Variants in PTK2B observed in about 807,000 individuals in gnomAD.
PTK2B encodes protein tyrosine kinase 2 beta, also known as protein-tyrosine kinase 2-beta.
In PTK2B, 71 loss-of-function variants were observed where a neutral mutation model predicts 142.9. The observed-to-expected ratio is 0.50, with a 90% CI of 0.41 to 0.61. The LOEUF is 0.61. Ranked by LOEUF, PTK2B falls within the 20% of genes least tolerant of loss-of-function variation. The pLI is 0.00. For synonymous variants in PTK2B, 519 were observed against 503.4 expected (o/e 1.03, Z -0.42); for missense variants, 1,105 against 1,320.4 (o/e 0.84, Z 2.53).
At chr8:27,419,730 G>A (rs1809625391) in intron 2 of PTK2B, among the ~76,000 whole-genome samples, 165 bp from the exon 3 acceptor site, 1 of 152,176 alleles carries the variant, frequency 6.6e-6, no homozygotes, top group East Asian at 1.9e-4. Context: ...ATCAGATAGA[G>A]CCCATTGTGT....
At chr8:27,450,383 G>T (rs1811724845) in intron 24 of PTK2B, among the ~76,000 whole-genome samples, 1 of 152,170 alleles carries the variant, frequency 6.6e-6, no homozygotes, top group Non-Finnish European at 1.5e-5. Flanking sequence ...GATTTTAATA[G>T]ACTTTAATAG....
chr8:27,312,217 A>G (rs911947692), intron 1 of PTK2B: 3 of 152,144 alleles, frequency 2.0e-5, no homozygotes, highest in Non-Finnish European at 2.9e-5. Context: ...TTCCTTTTCT[A>G]TTGGGAGACA....
At chr8:27,430,838 G>A in intron 7 of PTK2B, 38 bp from the exon 8 acceptor site, 1 of 1,604,616 alleles carries the variant, frequency 6.2e-7, no homozygotes. Flanking sequence ...GACCTGGGAG[G>A]AGCAGGCATT....
At chr8:27,388,934 C>G (rs569446948) in intron 1 of PTK2B, among the ~76,000 whole-genome samples, 1 of 152,278 alleles carries the variant, frequency 6.6e-6, no homozygotes, top group Admixed American at 6.5e-5. Flanking sequence ...CTTCTGGTCT[C>G]ATTTCCCAAT....
chr8:27,340,481 G>A (rs757146633), intron 1 of PTK2B, among the ~76,000 whole-genome samples: 1 of 152,254 alleles, frequency 6.6e-6, no homozygotes, highest in African/African-American at 2.4e-5. Flanking sequence ...GAGCACGGTG[G>A]AGATAAGGCG....
rs763562443 is a variant in PTK2B, at chr8:27,420,065, C to T, written c.375C>T (p.Ala125=). The change falls in exon 3 of 31, where the codon GCC becomes GCT. Residue 125 remains alanine (A), a synonymous_variant. Coordinates refer to ENST00000346049, the MANE Select transcript of PTK2B (RefSeq NM_173176.3). ...AGTATGAGTGTCTGCACGTGGAAGC[C>T]GAGTGGAGGTAGGAGTGGATTCCTG... ...QDKYECLHVE[A]EWRYDLQIRY... 13 of 1,613,864 alleles carry T rather than the reference C, an allele frequency of 8.1e-6. No individual in the cohort carries two copies. The highest frequency in any genetic ancestry group is 1.1e-5 in the South Asian group (1 of 91,054).
intron 1 of PTK2B, among the ~76,000 whole-genome samples, chr8:27,369,933 C>T (rs529674033): frequency 6.0e-5 from 9 of 150,408 alleles, no homozygotes; most frequent in African/African-American, 2.2e-4. Flanking sequence ...GCTGAGATCA[C>T]ACCACTGCAC....
chr8:27,314,542 A>G lies in PTK2B; in HGVS notation c.-414+1255A>G, dbSNP rs76672125. 5.9e-5 allele frequency among the ~76,000 whole-genome samples: 9 copies of G among 152,354 alleles called. No homozygotes were observed. The East Asian group carries it at 1.7e-3, about 29-fold the overall frequency. ...AGCTGCGACAGCAAATATCCTCCCC[A>G]TAGGGCGTAGGCCAAGTAAATAACT... is the stretch of plus-strand genomic sequence containing the variant. On this transcript the variant is annotated intron_variant, in intron 3 of 35. Transcript: ENST00000397501.
intron 2 of PTK2B, among the ~76,000 whole-genome samples, chr8:27,410,359 G>C (rs374815463): frequency 6.6e-6 from 1 of 152,064 alleles, no homozygotes; most frequent in African/African-American, 2.4e-5. Flanking sequence ...GAGCCTTAGA[G>C]CCAGAAGAGC....
intron 2 of PTK2B, among the ~76,000 whole-genome samples, chr8:27,417,118 CA>C (rs1281467682): frequency 2.6e-5 from 4 of 152,132 alleles, no homozygotes; most frequent in Admixed American, 2.0e-4. Flanking sequence ...TGTATAGTCA[CA>C]AAAATACTTG....
chr8:27,433,418 T>G lies in PTK2B; in HGVS notation c.988-17T>G, dbSNP rs1810567330. The G allele has an allele frequency of 1.1e-5, 18 of 1,605,466 alleles. No individual in the cohort carries two copies. The highest frequency in any genetic ancestry group is 1.7e-4 in the Middle Eastern group (1 of 5,964). ...AAGGCTCTGGGGTCTCACCCTTGGCTGGTCTCTGCTCCGCAGGCCTTGTCC... is the reference window on the plus strand; with the variant it reads ...AAGGCTCTGGGGTCTCACCCTTGGCGGGTCTCTGCTCCGCAGGCCTTGTCC... On this transcript the variant is annotated splice_polypyrimidine_tract_variant and intron_variant, in intron 10 of 30. Transcript: ENST00000346049.
chr8:27,394,790 A>G (rs1356789185), intron 1 of PTK2B, among the ~76,000 whole-genome samples: 1 of 151,210 alleles, frequency 6.6e-6, no homozygotes, highest in African/African-American at 2.4e-5. Context: ...CTTTCTTTAT[A>G]CCCTTATTCT....
intron 7 of PTK2B, 104 bp from the exon 8 acceptor site, chr8:27,430,772 G>A (rs957085707): frequency 6.8e-7 from 1 of 1,461,836 alleles, no homozygotes; most frequent in Admixed American, 2.0e-5. Context: ...AAAGGCCCTG[G>A]GGATCATTTT....
intron 2 of PTK2B, among the ~76,000 whole-genome samples, chr8:27,402,163 A>G (rs1471980987): frequency 1.3e-5 from 2 of 152,192 alleles, no homozygotes; most frequent in Admixed American, 6.5e-5. Context: ...CACCGTGATC[A>G]ATGGAGAGAA....
intron 18 of PTK2B, among the ~76,000 whole-genome samples, chr8:27,438,286 A>T (rs1810920698): frequency 6.6e-6 from 1 of 152,054 alleles, no homozygotes; most frequent in Non-Finnish European, 1.5e-5. Context: ...CCTAGGCCAG[A>T]CATCACCCTG....
chr8:27,377,941 C>T (rs929458463), intron 1 of PTK2B, among the ~76,000 whole-genome samples: 7 of 152,158 alleles, frequency 4.6e-5, no homozygotes, highest in African/African-American at 1.7e-4. Context: ...TACTTGAAAG[C>T]TAGCACACCC....
intron 2 of PTK2B, among the ~76,000 whole-genome samples, chr8:27,405,930 G>T (rs1170158256): frequency 6.6e-6 from 1 of 152,184 alleles, no homozygotes; most frequent in Non-Finnish European, 1.5e-5. Flanking sequence ...TATAACCAGT[G>T]TATCAGTTTT....
intron 1 of PTK2B, among the ~76,000 whole-genome samples, chr8:27,375,323 A>T (rs1423399569): frequency 6.6e-6 from 1 of 152,168 alleles, no homozygotes; most frequent in African/African-American, 2.4e-5. Flanking sequence ...TAGGGCCAGG[A>T]TGTAGCCTGG....
At chr8:27,369,102 G>A (rs1806187565) in intron 1 of PTK2B, among the ~76,000 whole-genome samples, 1 of 152,214 alleles carries the variant, frequency 6.6e-6, no homozygotes, top group African/African-American at 2.4e-5. Flanking sequence ...GTGATATTAT[G>A]TTGAAAGCAG....
Sources: gnomAD v4.1 joint callset for allele counts (sites outside exome capture counted in the v4.1 genomes callset) on GRCh38, gnomAD v4.1.1 for gene constraint, MANE v1.5 for transcripts, NCBI Gene and HGNC (gene_info 2026-07-23, HGNC 2026-07-21) for gene names.